TLK1: variants seen among roughly 807,000 people sequenced by gnomAD.
TLK1 encodes serine/threonine-protein kinase tousled-like 1.
TLK1 carries 24 observed loss-of-function variants against 105.3 expected under a neutral mutation model. The observed-to-expected ratio is 0.23, with a 90% CI of 0.17 to 0.32. The LOEUF (loss-of-function observed/expected upper bound fraction) is 0.32. Ranked by LOEUF, TLK1 falls within the 10% of genes least tolerant of loss-of-function variation. The probability of loss-of-function intolerance (pLI) is 1.00; values close to 1 mark genes in which losing one functional copy is unlikely to be tolerated. For synonymous variants in TLK1, 321 were observed against 310.4 expected, an observed-to-expected ratio of 1.03 and a Z score of -0.36; for missense variants, 558 against 910.5, an observed-to-expected ratio of 0.61 and a Z score of 4.98.
At chr2:171,053,922 T>A (rs1687371223) in intron 7 of TLK1, 69 bp from the exon 8 acceptor site, 1 of 1,171,922 alleles carries the variant, frequency 8.5e-7, no homozygotes, top group East Asian at 2.6e-5. Flanking sequence ...AAAACTAGAT[T>A]TTACTCCAAA....
intron 10 of TLK1, among the ~76,000 whole-genome samples, chr2:171,049,533 T>G (rs1687132916): frequency 6.6e-6 from 1 of 152,112 alleles, no homozygotes; most frequent in Admixed American, 6.6e-5. Context: ...TTCAACAATT[T>G]CCCTCTCAAA....
chr2:171,077,911 T>C (rs904099148), intron 3 of TLK1, among the ~76,000 whole-genome samples: 27 of 152,228 alleles, frequency 1.8e-4, no homozygotes, highest in African/African-American at 6.5e-4. Flanking sequence ...TTGGCGCTTT[T>C]ATAAAAAACA....
At chr2:171,003,473 T>C (rs1684496531) in intron 18 of TLK1, among the ~76,000 whole-genome samples, 1 of 152,172 alleles carries the variant, frequency 6.6e-6, no homozygotes, top group African/African-American at 2.4e-5. Flanking sequence ...TTTCTTGTAA[T>C]GTCATGATTT....
rs771565579 is a variant in TLK1, at chr2:171,160,366, CGTG to C, written c.60_62del (p.Thr21del). On this transcript the variant is annotated inframe_deletion, in exon 1 of 21. Coordinates refer to ENST00000431350, the MANE Select transcript of TLK1 (RefSeq NM_012290.5). This position sits in a 1 kb window ranked among gnomAD's most constrained non-coding sequence, Gnocchi z 4.4. ...CCGCCGCCGAGCCCGGGGTTGGAGA[CGTG>C]GAGAGCTGGGACCAAGATGGCGGCC... 2 of 1,605,610 alleles carry C rather than the reference CGTG, an allele frequency of 1.2e-6. No individual in the cohort carries two copies. The highest frequency in any genetic ancestry group is 3.4e-5 in the Admixed American group (2 of 59,018).
At chr2:171,153,361 A>G (rs1275815548) in intron 1 of TLK1, among the ~76,000 whole-genome samples, 2 of 152,224 alleles carry the variant, frequency 1.3e-5, no homozygotes, top group Non-Finnish European at 2.9e-5. Context: ...ACTGTTATCC[A>G]TATCACCCTC....
intron 2 of TLK1, among the ~76,000 whole-genome samples, chr2:171,093,035 C>G (rs970394264): frequency 6.6e-6 from 1 of 152,146 alleles, no homozygotes; most frequent in Admixed American, 6.5e-5. Context: ...AAATTTTCCC[C>G]CAGTACTCTT....
intron 14 of TLK1, among the ~76,000 whole-genome samples, chr2:171,008,270 G>C (rs956833468): frequency 1.3e-5 from 2 of 152,158 alleles, no homozygotes; most frequent in African/African-American, 4.8e-5. Context: ...TAGGGTTATT[G>C]AGAGGATTAA....
chr2:171,104,688 C>T (rs1689840771), intron 2 of TLK1, among the ~76,000 whole-genome samples: 2 of 152,190 alleles, frequency 1.3e-5, no homozygotes, highest in South Asian at 4.1e-4. Flanking sequence ...CCAGGCTGGT[C>T]TCAAACTCCT....
chr2:171,082,942 A>G, intron 2 of TLK1, 90 bp from the exon 3 acceptor site: 1 of 851,188 alleles, frequency 1.2e-6, no homozygotes, highest in Non-Finnish European at 1.9e-6. Context: ...CAAAGTAGAT[A>G]ATCTATCTTC....
Position 171,085,516 on chromosome 2 carries a change from G to A in TLK1, c.259-2664C>T, listed in dbSNP as rs552044248. Among the ~76,000 whole-genome samples the A allele has an allele frequency of 5.6e-4, 85 of 152,034 alleles. 2 individuals are homozygous for A. The highest frequency in any genetic ancestry group is 5.5e-3 in the Admixed American group (84 of 15,256). On this transcript the variant is annotated intron_variant, in intron 2 of 20. Coordinates refer to ENST00000431350, the MANE Select transcript of TLK1 (RefSeq NM_012290.5). ...CTGACAGAGCACCATGCACACCTAG[G>A]AATAACAACCCAGAAAGCGAACATC...
intron 14 of TLK1, among the ~76,000 whole-genome samples, chr2:171,008,422 C>T (rs563247148): frequency 3.4e-4 from 51 of 151,690 alleles, no homozygotes; most frequent in South Asian, 2.5e-3. Flanking sequence ...AGGGACAAGG[C>T]GGAACAAATC....
intron 3 of TLK1, among the ~76,000 whole-genome samples, chr2:171,074,024 G>A (rs1252685062): frequency 6.6e-6 from 1 of 151,972 alleles, no homozygotes; most frequent in Non-Finnish European, 1.5e-5. Flanking sequence ...CTGAGTAGCT[G>A]GTATTACAGG....
At chr2:171,079,028 C>T (rs1389609730) in intron 3 of TLK1, among the ~76,000 whole-genome samples, 2 of 152,174 alleles carry the variant, frequency 1.3e-5, no homozygotes, top group Admixed American at 6.5e-5. Context: ...TGCATATAGT[C>T]CCTCTACCAG....
intron 11 of TLK1, among the ~76,000 whole-genome samples, chr2:171,038,642 T>C (rs2105410006): frequency 6.6e-6 from 1 of 152,308 alleles, no homozygotes; most frequent in Non-Finnish European, 1.5e-5. Flanking sequence ...GGAACATATA[T>C]AATGGTTTCA....
intron 3 of TLK1, among the ~76,000 whole-genome samples, chr2:171,066,506 T>C (rs1337459409): frequency 6.6e-6 from 1 of 152,190 alleles, no homozygotes; most frequent in Non-Finnish European, 1.5e-5. Flanking sequence ...TATTTACACA[T>C]GCACAGCATT....
At chr2:171,009,418 C>T (rs1475606674) in intron 14 of TLK1, among the ~76,000 whole-genome samples, 4 of 149,142 alleles carry the variant, frequency 2.7e-5, no homozygotes, top group Non-Finnish European at 5.9e-5. Flanking sequence ...GATTATCATG[C>T]CTCAGCCTCC....
chr2:171,219,362 C>T lies in TLK1; in HGVS notation c.-6+11783G>A, dbSNP rs148935640. Among the ~76,000 whole-genome samples, 63 of 152,276 alleles carry T rather than the reference C, an allele frequency of 4.1e-4. No homozygotes were observed. In the East Asian group the frequency reaches 8.7e-3, roughly 21 times the overall value. ...ACATTGCCTTCTCTTCTGTGTGAATCGAGTCTCCCTCTGTCTCTCTCTGTC... is the reference window on the plus strand; with the variant it reads ...ACATTGCCTTCTCTTCTGTGTGAATTGAGTCTCCCTCTGTCTCTCTCTGTC... On this transcript the variant is annotated intron_variant, in intron 1 of 20. Coordinates refer to the TLK1 transcript ENST00000521943.
rs76016748 is a variant in TLK1, at chr2:171,200,285, T to C, written c.-6+30860A>G. On this transcript the variant is annotated intron_variant, in intron 1 of 20. Coordinates refer to the TLK1 transcript ENST00000521943. Reference sequence around the variant, plus strand: ...CTTCATCCTTCAAGTGCTTGTTTTTTCTACCCCCCCATCCTGTGTTGTTAA... The same window carrying C: ...CTTCATCCTTCAAGTGCTTGTTTTTCCTACCCCCCCATCCTGTGTTGTTAA... Among the ~76,000 whole-genome samples, 207 of 152,330 alleles carry C rather than the reference T, an allele frequency of 1.4e-3. 2 individuals carry two copies. In the East Asian group the frequency reaches 0.027, roughly 20 times the overall value.
At chr2:171,027,842 AATGTTGTT>A (rs1223564076) in intron 12 of TLK1, among the ~76,000 whole-genome samples, 4 of 152,202 alleles carry the variant, frequency 2.6e-5, no homozygotes, top group Admixed American at 2.6e-4. Context: ...AAGATAAAGG[AATGTTGTT>A]TTAATATACT....
Sources: allele counts gnomAD v4.1 joint callset (sites outside exome capture counted in the v4.1 genomes callset), GRCh38; gene constraint gnomAD v4.1.1; non-coding constraint Gnocchi (gnomAD v3.1); transcripts MANE v1.5; gene names NCBI Gene and HGNC (gene_info 2026-07-23, HGNC 2026-07-21).